BAIAP3: variants seen among roughly 807,000 people sequenced by gnomAD.
The protein encoded by BAIAP3 is BAI1-associated protein 3.
In BAIAP3, 180 loss-of-function variants were observed where a neutral mutation model predicts 149.7. That is an observed-to-expected ratio of 1.20 (90% CI 1.07 to 1.36). The LOEUF (loss-of-function observed/expected upper bound fraction) is 1.36, where lower values mean the gene tolerates loss of function less well. BAIAP3 is among the 40% of genes most tolerant of loss of function. BAIAP3 has a pLI of 0.00. For synonymous variants in BAIAP3, 845 were observed against 670.7 expected (o/e 1.26, Z -4.02); for missense variants, 1,767 against 1,563.4 (o/e 1.13, Z -2.20).
chr16:1,348,160 G>T lies in BAIAP3; in HGVS notation c.3214G>T (p.Asp1072Tyr). 1 of 1,608,574 alleles carries T rather than the reference G, an allele frequency of 6.2e-7. No homozygotes were observed. Among genetic ancestry groups the T allele is most frequent in the African/African-American group, 1.3e-5 (1 of 75,054 alleles). Residue 1072 changes from aspartate to tyrosine, a missense_variant, in exon 33 of 34, where the codon GAC becomes TAC. Asp to Tyr is a radical substitution (Grantham distance 160). Coordinates refer to ENST00000426824, the MANE Select transcript of BAIAP3 (RefSeq NM_001199097.2). ...ACVLFTVMDH[D>Y]WLSTNDFAGE... ...TGTGTTGTTCACCGTCATGGACCAC[G>T]ACTGGCTGTCCACCAACGACTTCGC...
At chr16:1,336,484 G>GTCTC in intron 1 of BAIAP3, 1 of 793,268 alleles carries the variant, frequency 1.3e-6, no homozygotes, top group Non-Finnish European at 1.5e-6. Context: ...GTCTGGTCCC[G>GTCTC]TAAGAGCCTG....
rs2034365226 is a variant in BAIAP3 at position 1,346,381 on chromosome 16, C to A, written c.2493+20C>A. 6.2e-7 allele frequency: 1 copy of A among 1,610,658 alleles called. No homozygotes were observed. Among genetic ancestry groups the A allele is most frequent in the Non-Finnish European group, 8.5e-7 (1 of 1,178,500 alleles). ...TCTAAGGTGGGTGGGGCCTGGAGACCAAGGCGTGGAGGCAGTCCCTGGTGC... is the reference window on the plus strand; with the variant it reads ...TCTAAGGTGGGTGGGGCCTGGAGACAAAGGCGTGGAGGCAGTCCCTGGTGC... On this transcript the variant is annotated intron_variant, in intron 25 of 33. Transcript: ENST00000426824.
Position 1,339,525 on chromosome 16 carries a change from C to G in BAIAP3, c.330C>G (p.Tyr110Ter), listed in dbSNP as rs1206573571. 1 of 1,612,446 alleles carries G rather than the reference C, an allele frequency of 6.2e-7. No individual in the cohort carries two copies. The highest frequency in any genetic ancestry group is 1.1e-5 in the South Asian group (1 of 91,036). ...EVEMLYEEAL[Y>*]TVLYRAGTMG... is the part of the protein sequence containing the mutation. ...AGATGCTCTACGAGGAGGCCCTGTA[C>G]ACGGTGCTTTACCGCGCGGGTACCA... Residue 110 changes from tyrosine to a stop codon, truncating the protein, a stop_gained, in exon 5 of 34, where the codon TAC becomes TAG. Coordinates refer to ENST00000426824, the MANE Select transcript of BAIAP3 (RefSeq NM_001199097.2). LOFTEE classifies it high-confidence loss of function.
At chr16:1,335,958 C>T (rs982056892) in intron 1 of BAIAP3, among the ~76,000 whole-genome samples, 2 of 152,210 alleles carry the variant, frequency 1.3e-5, no homozygotes, top group African/African-American at 2.4e-5. Flanking sequence ...GCACCCCTCT[C>T]GGGCCGCTCT....
chr16:1,341,560 G>A, intron 8 of BAIAP3, 71 bp downstream of exon 8: 2 of 1,529,146 alleles, frequency 1.3e-6, no homozygotes, highest in South Asian at 1.2e-5. Flanking sequence ...TGTGCCTGGA[G>A]GGTGGTGGCT....
In BAIAP3 at chr16:1,348,794, T is replaced by TC; in HGVS notation, c.*316dup. 2.2e-6 allele frequency: 1 copy of TC among 451,106 alleles called. No individual in the cohort carries two copies. Among genetic ancestry groups the TC allele is most frequent in the Non-Finnish European group, 4.0e-6 (1 of 247,956 alleles). 27.9% of individuals were successfully genotyped at this position (451,106 alleles called of 1,614,324 possible). A position where few individuals can be genotyped will look rare whatever the true frequency, so the allele number is the denominator to read the frequency against. On this transcript the variant is annotated 3_prime_UTR_variant, in exon 34 of 34. Transcript: ENST00000426824. ...GGCCTCCCTGCCCGCTTCCTTGGGC[T>TC]CCCCGGCCCTGGGTGGGCGGTGGGC...
chr16:1,342,038 G>A lies in BAIAP3; in HGVS notation c.829G>A (p.Val277Ile). 1 of 1,607,366 alleles carries A rather than the reference G, an allele frequency of 6.2e-7. No individual in the cohort carries two copies. Among genetic ancestry groups the A allele is most frequent in the Non-Finnish European group, 8.5e-7 (1 of 1,177,000 alleles). The stretch of plus-strand genomic sequence containing the variant: ...AGAAGCGTGCAGGAAGCTGAATGAA[G>A]TCATCGGCCTGAAGGGCATGGGCAG... ...LVEACRKLNE[V>I]IGLKGMGRYF... is the part of the protein sequence containing the mutation. The change falls in exon 10 of 34, where the codon GTC becomes ATC. Residue 277 changes from valine to isoleucine, a missense_variant. Transcript: ENST00000426824.
chr16:1,336,703 G>A (rs1438994274), intron 1 of BAIAP3, among the ~76,000 whole-genome samples: 2 of 152,208 alleles, frequency 1.3e-5, no homozygotes, highest in African/African-American at 2.4e-5. Flanking sequence ...CTGAGCTTAT[G>A]AGTCTAGTGC....
At position 1,349,113 on chromosome 16, in the gene BAIAP3, G is replaced by T. The variant is rs761951193; in HGVS notation, c.*631G>T. The stretch of plus-strand genomic sequence containing the variant: ...CAGTGTGAAGGGCTCCGTGCCAACT[G>T]GTCAGCTGTCCTTCACGCACATATC... On this transcript the variant is annotated 3_prime_UTR_variant, in exon 34 of 34. Coordinates refer to ENST00000426824, the MANE Select transcript of BAIAP3 (RefSeq NM_001199097.2). 1.0e-5 allele frequency: 4 copies of T among 397,700 alleles called. No individual in the cohort carries two copies. The highest frequency in any genetic ancestry group is 1.9e-5 in the Non-Finnish European group (4 of 214,094). 24.6% of individuals were successfully genotyped at this position (397,700 alleles called of 1,614,324 possible).
At chr16:1,336,201 G>T in intron 1 of BAIAP3, 1 of 985,288 alleles carries the variant, frequency 1.0e-6, no homozygotes, top group South Asian at 4.7e-5. Flanking sequence ...TGCTCCACTG[G>T]CTTCGGGGGA....
intron 18 of BAIAP3, 34 bp from the exon 19 acceptor site, chr16:1,344,567 C>G (rs887653543): frequency 1.2e-6 from 2 of 1,612,488 alleles, no homozygotes; most frequent in Non-Finnish European, 1.7e-6. Flanking sequence ...GTACGGGCAG[C>G]CGAGAGGTGG....
intron 4 of BAIAP3, 44 bp from the exon 5 acceptor site, chr16:1,339,452 G>A: frequency 6.4e-7 from 1 of 1,568,588 alleles, no homozygotes; most frequent in Non-Finnish European, 8.7e-7. Context: ...TGAGGGCTGG[G>A]GGCCTGGGAC....
At position 1,344,322 on chromosome 16, in the gene BAIAP3, G is replaced by A; in HGVS notation, c.1602+5G>A. On this transcript the variant is annotated splice_donor_5th_base_variant and intron_variant, in intron 17 of 33. Coordinates refer to ENST00000426824, the MANE Select transcript of BAIAP3 (RefSeq NM_001199097.2). ...GACATTGCTGCGGCCCTGAAGGTGT[G>A]TTCCAAAGCCCAGTGGAGGCCGGCT... The A allele has an allele frequency of 6.2e-7, 1 of 1,613,758 alleles. No homozygotes were observed. Among genetic ancestry groups the A allele is most frequent in the Non-Finnish European group, 8.5e-7 (1 of 1,179,948 alleles).
intron 32 of BAIAP3, 28 bp from the exon 33 acceptor site, chr16:1,348,068 G>C: frequency 6.8e-7 from 1 of 1,474,802 alleles, no homozygotes; most frequent in Non-Finnish European, 8.9e-7. Context: ...CTGCCGGAGC[G>C]AGACTCCCGA....
At chr16:1,335,948 G>GCACC (rs1006911221) in intron 1 of BAIAP3, among the ~76,000 whole-genome samples, 1 of 152,192 alleles carries the variant, frequency 6.6e-6, no homozygotes, top group African/African-American at 2.4e-5. Flanking sequence ...GGAGCAAAGG[G>GCACC]CACCCCTCTC....
rs779310925 is a variant in BAIAP3 at position 1,342,988 on chromosome 16, A to G, written c.1237A>G (p.Asn413Asp). 3.7e-6 allele frequency: 6 copies of G among 1,611,126 alleles called. No individual in the cohort carries two copies. Among genetic ancestry groups the G allele is most frequent in the Non-Finnish European group, 4.2e-6 (5 of 1,179,962 alleles). The part of the protein sequence containing the change: ...TILCLHGAQS[N>D]LSPLQLAVLH... Reference sequence around the variant, plus strand: ...CCTCTGCCTGCACGGAGCCCAGAGCAACCTGTCACCCTTGCAGCTGGCCGT... The same window carrying G: ...CCTCTGCCTGCACGGAGCCCAGAGCGACCTGTCACCCTTGCAGCTGGCCGT... Residue 413 changes from asparagine (N) to aspartate (D), a missense_variant, in exon 14 of 34, where the codon AAC (asparagine) becomes GAC (aspartate). Asn to Asp is a conservative substitution (Grantham distance 23). Transcript: ENST00000426824.
intron 17 of BAIAP3, 28 bp from the exon 18 acceptor site, chr16:1,344,441 C>T (rs748280862): frequency 1.9e-6 from 3 of 1,613,244 alleles, no homozygotes; most frequent in African/African-American, 1.3e-5. Context: ...TGCAATCCAC[C>T]ATGCTGTCTT....
intron 22 of BAIAP3, 175 bp from the exon 23 acceptor site, chr16:1,345,572 T>G: frequency 6.0e-6 from 1 of 167,362 alleles, no homozygotes; most frequent in Non-Finnish European, 9.4e-6. Context: ...CCCAGCCTCC[T>G]CAGCAACCCC....
At chr16:1,338,840 C>T (rs1219698346) in intron 2 of BAIAP3, 62 bp from the exon 3 acceptor site, 14 of 1,600,830 alleles carry the variant, frequency 8.7e-6, no homozygotes, top group East Asian at 4.5e-5. Context: ...CCCCTGGAGT[C>T]GAGGGTCCCA....
Sources: gnomAD v4.1 joint callset for allele counts (sites outside exome capture counted in the v4.1 genomes callset) on GRCh38, gnomAD v4.1.1 for gene constraint, MANE v1.5 for transcripts, NCBI Gene and HGNC (gene_info 2026-07-23, HGNC 2026-07-21) for gene names.